CRACD: variants seen among roughly 807,000 people sequenced by gnomAD.
CRACD encodes capping protein inhibiting regulator of actin dynamics.
In CRACD, 56 loss-of-function variants were observed where a neutral mutation model predicts 106.8. The observed-to-expected ratio is 0.52, with a 90% CI of 0.42 to 0.66. The LOEUF (loss-of-function observed/expected upper bound fraction) is 0.66. Among genes scored for constraint, CRACD ranks in the 30% least tolerant of loss-of-function variants. The pLI is 0.00. For synonymous variants in CRACD, 754 were observed against 670.8 expected (o/e 1.12, Z -1.92); for missense variants, 1,730 against 1,623.2 (o/e 1.07, Z -1.13).
chr4:56,295,621 T>C (rs1004192114), intron 3 of CRACD, among the ~76,000 whole-genome samples: 44 of 147,364 alleles, frequency 3.0e-4, no homozygotes, highest in African/African-American at 1.0e-3. Flanking sequence ...AGCCTAGCAC[T>C]GGTGTATTCT....
At chr4:56,313,540 T>G (rs934182928) in intron 7 of CRACD, among the ~76,000 whole-genome samples, 161 bp downstream of exon 7, 1 of 152,234 alleles carries the variant, frequency 6.6e-6, no homozygotes, top group Admixed American at 6.5e-5. Flanking sequence ...CAGGCCTGTT[T>G]ACTTTCCTCG....
chr4:56,050,028 C>T (rs1731817701), intron 1 of CRACD: 1 of 144,318 alleles, frequency 6.9e-6, no homozygotes, highest in South Asian at 2.2e-4. Flanking sequence ...TGGGGTATGG[C>T]TTTTTTTTTT....
At chr4:56,078,126 T>A (rs559877295) in intron 1 of CRACD, among the ~76,000 whole-genome samples, 38 of 152,356 alleles carry the variant, frequency 2.5e-4, no homozygotes, top group Admixed American at 6.5e-4. Context: ...ATTGTACTTA[T>A]TCATGTGGTA....
At chr4:56,209,354 C>A (rs1394714497) in intron 2 of CRACD, among the ~76,000 whole-genome samples, 1 of 152,086 alleles carries the variant, frequency 6.6e-6, no homozygotes, top group Admixed American at 6.5e-5. Flanking sequence ...AGTAACTTCG[C>A]CTAGACAAAT....
chr4:56,152,970 A>G (rs1414392931), intron 1 of CRACD, among the ~76,000 whole-genome samples: 1 of 151,816 alleles, frequency 6.6e-6, no homozygotes, highest in Non-Finnish European at 1.5e-5. Flanking sequence ...GGAATCTTAA[A>G]TTTTCTTTGT....
At chr4:56,199,690 AAAAGAAAAG>A (rs1415645831) in intron 2 of CRACD, among the ~76,000 whole-genome samples, 13 of 146,974 alleles carry the variant, frequency 8.8e-5, no homozygotes, top group East Asian at 2.0e-4. Flanking sequence ...TCAAAAAAAA[AAAAGAAAAG>A]AAAAAAAAAG....
intron 2 of CRACD, among the ~76,000 whole-genome samples, chr4:56,195,206 TACAA>T (rs1737547103): frequency 6.6e-6 from 1 of 152,110 alleles, no homozygotes. Context: ...GCTCGCTTAA[TACAA>T]ACAACCAGCA....
chr4:56,142,723 T>A (rs1425443919), intron 1 of CRACD, among the ~76,000 whole-genome samples: 1 of 152,154 alleles, frequency 6.6e-6, no homozygotes, highest in African/African-American at 2.4e-5. Flanking sequence ...AGGTATGAAT[T>A]AAAAGTAGTG....
chr4:56,248,050 A>G (rs1289974875), intron 2 of CRACD, among the ~76,000 whole-genome samples: 1 of 152,212 alleles, frequency 6.6e-6, no homozygotes, highest in African/African-American at 2.4e-5. Flanking sequence ...AGAATGTGGA[A>G]TGAATCTTTC....
chr4:56,128,541 T>G (rs560632590), intron 1 of CRACD, among the ~76,000 whole-genome samples: 1 of 152,330 alleles, frequency 6.6e-6, no homozygotes, highest in East Asian at 1.9e-4. Flanking sequence ...TTATTTTGAT[T>G]GTTCAAAGTG....
chr4:56,316,741 G>A, intron 8 of CRACD, 52 bp downstream of exon 8: 2 of 1,481,710 alleles, frequency 1.3e-6, no homozygotes, highest in East Asian at 2.4e-5. Flanking sequence ...TCAGAGCCAG[G>A]GCATCAAGAA....
intron 2 of CRACD, among the ~76,000 whole-genome samples, chr4:56,191,188 CA>C (rs60946135): frequency 0.066 from 10,061 of 152,274 alleles, 1,134 homozygotes; most frequent in East Asian, 0.5. Flanking sequence ...TGGCTTAAAA[CA>C]ACACAAATTG....
At chr4:56,055,736 C>T (rs1425091284) in intron 1 of CRACD, among the ~76,000 whole-genome samples, 1 of 152,148 alleles carries the variant, frequency 6.6e-6, no homozygotes, top group Non-Finnish European at 1.5e-5. Context: ...GGTTAACTGT[C>T]TTCTAGAGTT....
intron 1 of CRACD, among the ~76,000 whole-genome samples, chr4:56,162,193 A>G (rs536782263): frequency 6.6e-6 from 1 of 150,648 alleles, no homozygotes; most frequent in African/African-American, 2.5e-5. Context: ...ATTTTTAAAA[A>G]TTATTATTAT....
intron 1 of CRACD, among the ~76,000 whole-genome samples, chr4:56,125,058 A>G (rs1577678824): frequency 6.6e-6 from 1 of 152,186 alleles, no homozygotes; most frequent in South Asian, 2.1e-4. Context: ...GAAATATCCA[A>G]CGTTATGTTC....
intron 2 of CRACD, among the ~76,000 whole-genome samples, chr4:56,190,189 T>C (rs1165278204): frequency 6.6e-6 from 1 of 152,076 alleles, no homozygotes; most frequent in African/African-American, 2.4e-5. Context: ...ATGGTGTATA[T>C]GTGCCACATT....
At chr4:56,233,424 T>A (rs1173264490) in intron 2 of CRACD, among the ~76,000 whole-genome samples, 1 of 152,148 alleles carries the variant, frequency 6.6e-6, no homozygotes, top group African/African-American at 2.4e-5. Context: ...GTTTTTTTTT[T>A]AACCATCATT....
At chr4:56,241,393 C>T (rs1740357991) in intron 2 of CRACD, among the ~76,000 whole-genome samples, 1 of 151,848 alleles carries the variant, frequency 6.6e-6, no homozygotes, top group Admixed American at 6.6e-5. Context: ...TCTATGCTTG[C>T]TCAATTAATA....
At position 56,313,186 on chromosome 4, in the gene CRACD, C is replaced by T. The variant is rs1745267163; in HGVS notation, c.355-11C>T. 1 of 1,605,788 alleles carries T rather than the reference C, an allele frequency of 6.2e-7. No homozygotes were observed. The highest frequency in any genetic ancestry group is 2.2e-5 in the East Asian group (1 of 44,654). ...ATCCCAACTGACTTTCTATTTTAAT[C>T]TCCCCTACAGGTTGCTCCCGTTAAA... On this transcript the variant is annotated splice_polypyrimidine_tract_variant and intron_variant, in intron 6 of 10. Coordinates refer to ENST00000682029, the MANE Select transcript of CRACD (RefSeq NM_001393381.1).
Sources: gnomAD v4.1 joint callset for allele counts (sites outside exome capture counted in the v4.1 genomes callset) on GRCh38, gnomAD v4.1.1 for gene constraint, MANE v1.5 for transcripts, NCBI Gene and HGNC (gene_info 2026-07-23, HGNC 2026-07-21) for gene names.